The following ETF1 variants were observed in gnomAD, a reference collection of about 807,000 sequenced individuals.
ETF1 encodes the protein eukaryotic translation termination factor 1, also known as eukaryotic peptide chain release factor subunit 1.
A neutral mutation model predicts 55.1 loss-of-function variants in ETF1; 4 were observed. That is an observed-to-expected ratio of 0.07 (90% CI 0.04 to 0.17). The LOEUF is 0.17. ETF1 is among the 10% of genes least tolerant of loss of function. The pLI is 1.00. For synonymous variants in ETF1, 157 were observed against 182.3 expected (o/e 0.86, Z 1.12); for missense variants, 142 against 523.6 (o/e 0.27, Z 7.11).
chr5:138,538,559 A>AG (rs1208907486), intron 2 of ETF1, among the ~76,000 whole-genome samples: 1 of 152,184 alleles, frequency 6.6e-6, no homozygotes, highest in Non-Finnish European at 1.5e-5. Context: ...GCCAGAATAG[A>AG]GGACAAAAAA....
intron 2 of ETF1, among the ~76,000 whole-genome samples, chr5:138,530,432 C>T (rs1345486678): frequency 1.3e-5 from 2 of 152,072 alleles, no homozygotes; most frequent in African/African-American, 4.8e-5. Flanking sequence ...CGCCCACTAC[C>T]ACGCCCAGCT....
At chr5:138,514,872 G>T (rs977789652) in intron 4 of ETF1, among the ~76,000 whole-genome samples, 1 of 152,160 alleles carries the variant, frequency 6.6e-6, no homozygotes, top group African/African-American at 2.4e-5. Flanking sequence ...AGTGGAATCG[G>T]AATACTACAC....
intron 2 of ETF1, among the ~76,000 whole-genome samples, chr5:138,532,971 A>C (rs1415196561): frequency 6.6e-6 from 1 of 150,702 alleles, no homozygotes; most frequent in Non-Finnish European, 1.5e-5. Flanking sequence ...ACGGAGTCTC[A>C]CTCTGTAACC....
chr5:138,512,139 G>A (rs1252244426), intron 6 of ETF1, among the ~76,000 whole-genome samples: 1 of 131,334 alleles, frequency 7.6e-6, no homozygotes, highest in African/African-American at 2.9e-5. Flanking sequence ...GATCGAGGCT[G>A]CAGTGAGCCA....
chr5:138,525,939 T>C (rs553788112), intron 2 of ETF1, among the ~76,000 whole-genome samples: 1,418 of 80,664 alleles, frequency 0.018, 28 homozygotes, highest in African/African-American at 0.063. Context: ...AGTGAGACTC[T>C]GTTTAAAAAA....
At chr5:138,510,654 T>A (rs760923330) in intron 8 of ETF1, 25 bp from the exon 9 acceptor site, 2 of 1,612,916 alleles carry the variant, frequency 1.2e-6, no homozygotes, top group East Asian at 4.5e-5. Flanking sequence ...GGAAAAAATG[T>A]GTTAACCTGG....
rs762551419 is a variant in ETF1 at position 138,517,594 on chromosome 5, T to C, written c.369A>G (p.Ser123=). Reference sequence around the variant, plus strand: ...GGAATTTGTTGTCACACAAATACAATGACGTATTAATTGGTTTGAAAGGTT... The same window carrying C: ...GGAATTTGTTGTCACACAAATACAACGACGTATTAATTGGTTTGAAAGGTT... ...DFEPFKPINT[S]LYLCDNKFHT... The change falls in exon 4 of 11, where the codon TCA becomes TCG. Residue 123 remains serine (S), a synonymous_variant. Transcript: ENST00000360541. 6.3e-6 allele frequency: 10 copies of C among 1,593,976 alleles called. No individual in the cohort carries two copies. In the South Asian group the frequency reaches 1.0e-4, roughly 16 times the overall value.
chr5:138,541,276 C>T (rs1766160626), intron 2 of ETF1, among the ~76,000 whole-genome samples: 1 of 152,186 alleles, frequency 6.6e-6, no homozygotes, highest in Admixed American at 6.5e-5. Context: ...AATAACTGGT[C>T]ACTCTATCAT....
chr5:138,541,368 G>A (rs548911209), intron 2 of ETF1: 2 of 588,876 alleles, frequency 3.4e-6, no homozygotes, highest in African/African-American at 1.9e-5. Flanking sequence ...CTAACAAGCC[G>A]CTGTCTTCGA....
At chr5:138,510,485 C>T (rs1764729531) in intron 9 of ETF1, 80 bp downstream of exon 9, 4 of 1,059,028 alleles carry the variant, frequency 3.8e-6, no homozygotes, top group Admixed American at 3.8e-5. Flanking sequence ...TTTCCCAAAG[C>T]TCACCCTCTA....
intron 1 of ETF1, 35 bp downstream of exon 1, chr5:138,543,062 C>T (rs1037928694): frequency 1.2e-6 from 1 of 801,374 alleles, no homozygotes; most frequent in African/African-American, 1.7e-5. Flanking sequence ...CAGCTCGCCA[C>T]AAAGGTCACC....
chr5:138,511,390 A>C (rs902364194), intron 7 of ETF1, 85 bp downstream of exon 7: 1 of 850,426 alleles, frequency 1.2e-6, no homozygotes, highest in African/African-American at 3.4e-5. Flanking sequence ...TCACGTACAT[A>C]CACACACACA....
At chr5:138,524,518 A>C (rs1206385277) in intron 2 of ETF1, among the ~76,000 whole-genome samples, 1 of 150,806 alleles carries the variant, frequency 6.6e-6, no homozygotes, top group Non-Finnish European at 1.5e-5. Flanking sequence ...ACACCACTGC[A>C]CTTCAGCCTG....
At chr5:138,542,968 A>G (rs1766250662) in intron 1 of ETF1, 32 bp from the exon 2 acceptor site, 1 of 1,601,490 alleles carries the variant, frequency 6.2e-7, no homozygotes, top group Admixed American at 1.7e-5. Context: ...CGGAGACACC[A>G]AGACCACAGA....
In ETF1 at chr5:138,531,400, A is replaced by G. The variant is rs1765693265; in HGVS notation, c.86+11433T>C. On this transcript the variant is annotated intron_variant, in intron 2 of 10. Coordinates refer to ENST00000360541, the MANE Select transcript of ETF1 (RefSeq NM_004730.4). ...TATTCTGTTATAGCAGCACAAAAAC[A>G]AAAATCAAAAAACCCCCAAAACCTA... Among the ~76,000 whole-genome samples the G allele has an allele frequency of 3.3e-5, 5 of 152,136 alleles. No individual in the cohort carries two copies. The South Asian group carries it at 8.3e-4, about 25-fold the overall frequency.
chr5:138,536,824 G>T (rs1007326070), intron 2 of ETF1, among the ~76,000 whole-genome samples: 1 of 152,084 alleles, frequency 6.6e-6, no homozygotes, highest in Non-Finnish European at 1.5e-5. Flanking sequence ...GTACTGGGCC[G>T]ATCCTCAATC....
In ETF1 at chr5:138,511,391, C is replaced by CATACAT; in HGVS notation, c.862+83_862+84insATGTAT. The CATACAT allele has an allele frequency of 2.0e-5, 17 of 866,412 alleles. No individual in the cohort carries two copies. The South Asian group carries it at 3.4e-4, about 17-fold the overall frequency. 53.7% of individuals were successfully genotyped at this position (866,412 alleles called of 1,614,324 possible). On this transcript the variant is annotated intron_variant, in intron 7 of 10. Coordinates refer to ENST00000360541, the MANE Select transcript of ETF1 (RefSeq NM_004730.4). ...TCTCATACATACAATCACGTACATA[C>CATACAT]ACACACACACATACACACACACACA...
rs1005098234 is a variant in ETF1, at chr5:138,542,727, T to C, written c.86+106A>G. The C allele has an allele frequency of 7.2e-6, 11 of 1,535,526 alleles. No homozygotes were observed. In the Admixed American group the frequency reaches 8.0e-5, roughly 11 times the overall value. On this transcript the variant is annotated intron_variant, in intron 2 of 10. Transcript: ENST00000360541. ...TACCCAGAGATCCAGAAGGCGGGAG[T>C]TGGCTAGTGCCTGGTTCTCCTCATC... is the stretch of plus-strand genomic sequence containing the variant.
intron 2 of ETF1, among the ~76,000 whole-genome samples, chr5:138,539,486 G>A (rs1247158460): frequency 1.3e-5 from 2 of 152,198 alleles, no homozygotes; most frequent in Non-Finnish European, 2.9e-5. Context: ...GAGCAATCAT[G>A]AACAGGGAAG....
Sources: gnomAD v4.1 joint callset for allele counts (sites outside exome capture counted in the v4.1 genomes callset) on GRCh38, gnomAD v4.1.1 for gene constraint, MANE v1.5 for transcripts, NCBI Gene and HGNC (gene_info 2026-07-23, HGNC 2026-07-21) for gene names.